The following RNMT variants were observed in gnomAD, a reference collection of about 807,000 sequenced individuals.
RNMT encodes the protein mRNA cap guanine-N(7) methyltransferase.
A neutral mutation model predicts 56.0 loss-of-function variants in RNMT; 27 were observed. The ratio of observed to expected loss-of-function variants is 0.48; its 90% CI spans 0.36 to 0.67. The LOEUF (loss-of-function observed/expected upper bound fraction) is 0.67. Ranked by LOEUF, RNMT falls within the 30% of genes least tolerant of loss-of-function variation. The pLI is 0.00. For synonymous variants in RNMT, 184 were observed against 176.2 expected, an observed-to-expected ratio of 1.04 and a Z score of -0.35; for missense variants, 519 against 552.1, an observed-to-expected ratio of 0.94 and a Z score of 0.60.
intron 5 of RNMT, 23 bp downstream of exon 5, chr18:13,737,158 A>G: frequency 6.4e-7 from 1 of 1,559,864 alleles, no homozygotes; most frequent in Non-Finnish European, 8.8e-7. Flanking sequence ...ATGATATGGG[A>G]AAGAATAATT....
At position 13,731,705 on chromosome 18, in the gene RNMT, A is replaced by G; in HGVS notation, c.188A>G (p.Glu63Gly). 1 of 1,613,598 alleles carries G rather than the reference A, an allele frequency of 6.2e-7. No individual in the cohort carries two copies. The highest frequency in any genetic ancestry group is 8.5e-7 in the Non-Finnish European group (1 of 1,179,892). ...ATAGCAAGAAAGAGAAAAGAGTTTGAAGATGATCTTGTAAAGGAAAGTTCT... is the reference window on the plus strand; with the variant it reads ...ATAGCAAGAAAGAGAAAAGAGTTTGGAGATGATCTTGTAAAGGAAAGTTCT... ...VDIARKRKEF[E>G]DDLVKESSSC... The change falls in exon 3 of 12, where the codon GAA becomes GGA. Residue 63 changes from glutamate (E) to glycine (G), a missense_variant. Glu to Gly is a moderately conservative substitution (Grantham distance 98). Coordinates refer to ENST00000383314, the MANE Select transcript of RNMT (RefSeq NM_003799.3).
chr18:13,727,796 T>C (rs1003726147), intron 1 of RNMT, among the ~76,000 whole-genome samples: 1 of 152,236 alleles, frequency 6.6e-6, no homozygotes. Context: ...ATCCACTCTT[T>C]ACCTCCATCA....
intron 11 of RNMT, among the ~76,000 whole-genome samples, chr18:13,757,689 G>T (rs181756191): frequency 1.3e-5 from 2 of 152,234 alleles, no homozygotes. Flanking sequence ...ATGCATGAGG[G>T]TTGGAATCCA....
At chr18:13,759,072 TAAC>T (rs1413455378) in intron 11 of RNMT, among the ~76,000 whole-genome samples, 2 of 152,186 alleles carry the variant, frequency 1.3e-5, no homozygotes, top group Non-Finnish European at 1.5e-5. Context: ...ATTACAGTAA[TAAC>T]AGCAAAGATC....
chr18:13,742,733 T>C (rs2044271931), intron 8 of RNMT, 81 bp downstream of exon 8: 2 of 1,075,216 alleles, frequency 1.9e-6, no homozygotes, highest in East Asian at 2.5e-5. Flanking sequence ...TTTATTTTAC[T>C]CTTTATTTTA....
chr18:13,762,194 T>C lies in RNMT; in HGVS notation c.*2215T>C, dbSNP rs1054481537. ...TTGGAAATGAAGACCTAACCAGCTA[T>C]TGGTGGGAATGACGGAACTGGGGAT... is the stretch of plus-strand genomic sequence containing the variant. On this transcript the variant is annotated 3_prime_UTR_variant, in exon 12 of 12. Coordinates refer to ENST00000383314, the MANE Select transcript of RNMT (RefSeq NM_003799.3). 6.0e-6 allele frequency: 9 copies of C among 1,504,742 alleles called. No homozygotes were observed. The African/African-American group carries it at 8.3e-5, about 14-fold the overall frequency. The allele number at this position is 1,504,742 out of a possible 1,614,324, so 93.2% of individuals were successfully genotyped here.
chr18:13,761,856 C>CT lies in RNMT; in HGVS notation c.*1877_*1878insT. On this transcript the variant is annotated 3_prime_UTR_variant, in exon 12 of 12. Coordinates refer to ENST00000383314, the MANE Select transcript of RNMT (RefSeq NM_003799.3). ...CCACCACCCTACACCCCCCTCCCCC[C>CT]GGCCCCAAGCCCCTGTGTCTCCTTG... 1.8e-6 allele frequency: 2 copies of CT among 1,109,886 alleles called. No homozygotes were observed. The highest frequency in any genetic ancestry group is 2.2e-6 in the Non-Finnish European group (2 of 904,262). The allele number at this position is 1,109,886 out of a possible 1,614,324, so 68.8% of individuals were successfully genotyped here.
chr18:13,732,166 A>T (rs1380793156), intron 3 of RNMT, among the ~76,000 whole-genome samples: 1 of 152,082 alleles, frequency 6.6e-6, no homozygotes, highest in Non-Finnish European at 1.5e-5. Context: ...TTCTAATGAG[A>T]TAATGTTTAT....
chr18:13,757,986 C>T (rs1162222042), intron 11 of RNMT, among the ~76,000 whole-genome samples: 1 of 152,218 alleles, frequency 6.6e-6, no homozygotes, highest in East Asian at 1.9e-4. Flanking sequence ...CTTCATCAGA[C>T]CTCCTGGGTG....
At position 13,760,056 on chromosome 18, in the gene RNMT, A is replaced by G; in HGVS notation, c.*77A>G. The G allele has an allele frequency of 6.4e-7, 1 of 1,558,722 alleles. No homozygotes were observed. Among genetic ancestry groups the G allele is most frequent in the Non-Finnish European group, 8.7e-7 (1 of 1,150,098 alleles). On this transcript the variant is annotated 3_prime_UTR_variant, in exon 12 of 12. Coordinates refer to ENST00000383314, the MANE Select transcript of RNMT (RefSeq NM_003799.3). ...AACAACTCATCTCGATATATTTGAT[A>G]TTTCTCTGTCTGTTGATTTTAATTC...
intron 1 of RNMT, among the ~76,000 whole-genome samples, chr18:13,727,450 G>T (rs961544007): frequency 6.6e-6 from 1 of 151,976 alleles, no homozygotes; most frequent in Non-Finnish European, 1.5e-5. Context: ...TTTGGTTTGG[G>T]TTTTTTTTCC....
chr18:13,738,925 G>A (rs930538535), intron 5 of RNMT, among the ~76,000 whole-genome samples: 1 of 152,088 alleles, frequency 6.6e-6, no homozygotes, highest in Non-Finnish European at 1.5e-5. Context: ...AGATCATCAG[G>A]TGTTAGATTC....
rs571627392 is a variant in RNMT, at chr18:13,761,155, C to T, written c.*1176C>T. The T allele has an allele frequency of 8.3e-4, 818 of 985,388 alleles. 16 individuals are homozygous for T. The South Asian group carries it at 0.034, about 41-fold the overall frequency. The allele number at this position is 985,388 out of a possible 1,614,324, so 61.0% of individuals were successfully genotyped here. ...ACATAGTGTCTTCATTAGTGTGCAT[C>T]TATTAACTGTTCATGGTGTTAGAGT... On this transcript the variant is annotated 3_prime_UTR_variant, in exon 12 of 12. Transcript: ENST00000383314.
intron 7 of RNMT, among the ~76,000 whole-genome samples, chr18:13,741,926 A>G (rs762248405): frequency 2.0e-5 from 3 of 152,216 alleles, no homozygotes; most frequent in Non-Finnish European, 4.4e-5. Context: ...TGATAGACAA[A>G]CTGCAGGTCA....
chr18:13,741,647 T>TG lies in RNMT; in HGVS notation c.935dup (p.Tyr313LeufsTer9). The TG allele has an allele frequency of 6.2e-7, 1 of 1,613,428 alleles. No individual in the cohort carries two copies. Among genetic ancestry groups the TG allele is most frequent in the South Asian group, 1.1e-5 (1 of 90,992 alleles). On this transcript the variant is annotated frameshift_variant, in exon 7 of 12. Transcript: ENST00000383314. LOFTEE classifies it high-confidence loss of function. Reference sequence around the variant, plus strand: ...GAAATGCGTGTGAGAGACTTAGCCCTGGGGGCTATTTTATTGGTACTACTC... The same window carrying TG: ...GAAATGCGTGTGAGAGACTTAGCCCTGGGGGGCTATTTTATTGGTACTACTC...
At chr18:13,740,328 G>A (rs1045757941) in intron 6 of RNMT, 49 bp downstream of exon 6, 4 of 1,014,876 alleles carry the variant, frequency 3.9e-6, no homozygotes, top group African/African-American at 1.7e-5. Flanking sequence ...TTTAGTTTGG[G>A]TAAATAATTT....
At position 13,761,294 on chromosome 18, in the gene RNMT, A is replaced by G; in HGVS notation, c.*1315A>G. 4.1e-6 allele frequency: 4 copies of G among 985,434 alleles called. No homozygotes were observed. The highest frequency in any genetic ancestry group is 4.8e-6 in the Non-Finnish European group (4 of 829,938). 61.0% of individuals were successfully genotyped at this position (985,434 alleles called of 1,614,324 possible). A position where few individuals can be genotyped will look rare whatever the true frequency, so the allele number is the denominator to read the frequency against. On this transcript the variant is annotated 3_prime_UTR_variant, in exon 12 of 12. Transcript: ENST00000383314. The stretch of plus-strand genomic sequence containing the variant: ...AAAATAAGTCTTTTTGCCTTAAGTC[A>G]TTTTGGAAATAAGTAATACTGCATC...
chr18:13,733,261 T>A (rs1207832167), intron 3 of RNMT, among the ~76,000 whole-genome samples: 1 of 152,132 alleles, frequency 6.6e-6, no homozygotes, highest in Non-Finnish European at 1.5e-5. Context: ...TATCATGGCA[T>A]TTTTACAGGA....
At position 13,761,504 on chromosome 18, in the gene RNMT, C is replaced by A; in HGVS notation, c.*1525C>A. On this transcript the variant is annotated 3_prime_UTR_variant, in exon 12 of 12. Coordinates refer to ENST00000383314, the MANE Select transcript of RNMT (RefSeq NM_003799.3). Reference sequence around the variant, plus strand: ...ATTTCCTCTGTTCACATTTACTGGTCTTAATTAACAGGTAATAATAATACA... The same window carrying A: ...ATTTCCTCTGTTCACATTTACTGGTATTAATTAACAGGTAATAATAATACA... 1 of 987,444 alleles carries A rather than the reference C, an allele frequency of 1.0e-6. No individual in the cohort carries two copies. Among genetic ancestry groups the A allele is most frequent in the Non-Finnish European group, 1.2e-6 (1 of 831,192 alleles). The allele number at this position is 987,444 out of a possible 1,614,324, so 61.2% of individuals were successfully genotyped here.
Sources: allele counts gnomAD v4.1 joint callset (sites outside exome capture counted in the v4.1 genomes callset), GRCh38; gene constraint gnomAD v4.1.1; transcripts MANE v1.5; gene names NCBI Gene and HGNC (gene_info 2026-07-23, HGNC 2026-07-21).